Variants in LUZP2 observed in about 807,000 individuals in gnomAD.
LUZP2 encodes the protein leucine zipper protein 2.
Under a neutral mutation model 51.6 loss-of-function variants are expected in LUZP2, and 52 were observed. The observed-to-expected ratio is 1.01, with a 90% CI of 0.81 to 1.27. The LOEUF (loss-of-function observed/expected upper bound fraction) is 1.27. Among genes scored for constraint, LUZP2 ranks in the 50% most tolerant of loss-of-function variants. The pLI, the probability that LUZP2 is intolerant of heterozygous loss-of-function variation, is 0.00. For missense variants in LUZP2, 436 were observed against 395.4 expected (o/e 1.10, Z -0.87); for synonymous variants, 154 against 137.3 (o/e 1.12, Z -0.85).
At chr11:24,803,767 A>G (rs1257591972) in intron 5 of LUZP2, among the ~76,000 whole-genome samples, 1 of 152,126 alleles carries the variant, frequency 6.6e-6, no homozygotes, top group Non-Finnish European at 1.5e-5. Flanking sequence ...TGTTTTTTAT[A>G]TGCACTAAAT....
intron 7 of LUZP2, among the ~76,000 whole-genome samples, chr11:24,955,215 T>A (rs887005315): frequency 1.3e-5 from 2 of 151,984 alleles, no homozygotes; most frequent in Non-Finnish European, 2.9e-5. Flanking sequence ...TAAAAAAAAA[T>A]TTGAAGACTT....
chr11:24,966,754 T>C (rs1249629174), intron 7 of LUZP2, among the ~76,000 whole-genome samples: 2 of 147,858 alleles, frequency 1.4e-5, no homozygotes, highest in African/African-American at 2.4e-5. Flanking sequence ...TTACATTATA[T>C]ATTTTATATA....
intron 1 of LUZP2, among the ~76,000 whole-genome samples, chr11:24,590,106 C>T (rs191835347): frequency 2.0e-5 from 3 of 152,138 alleles, no homozygotes; most frequent in Non-Finnish European, 4.4e-5. Context: ...TTCAACCTTT[C>T]TTCAAGACAT....
intron 5 of LUZP2, among the ~76,000 whole-genome samples, chr11:24,788,179 A>G (rs1383300125): frequency 1.1e-5 from 1 of 93,568 alleles, no homozygotes; most frequent in Non-Finnish European, 2.2e-5. Context: ...TTTTGTTTTT[A>G]ATTTTTTTTT....
chr11:24,778,057 T>A (rs921939957), intron 5 of LUZP2, among the ~76,000 whole-genome samples: 1 of 152,104 alleles, frequency 6.6e-6, no homozygotes. Flanking sequence ...CCACTATCCA[T>A]AACTCATAGA....
At chr11:24,874,654 A>C (rs924888999) in intron 5 of LUZP2, among the ~76,000 whole-genome samples, 1 of 152,160 alleles carries the variant, frequency 6.6e-6, no homozygotes, top group African/African-American at 2.4e-5. Flanking sequence ...CACATGGATA[A>C]GTGCCTTGGA....
intron 5 of LUZP2, chr11:24,832,163 C>T (rs1344665807): frequency 5.9e-5 from 9 of 151,946 alleles, no homozygotes; most frequent in Non-Finnish European, 1.3e-4. Flanking sequence ...TCAAATCTAT[C>T]TGTAAAATAA....
intron 1 of LUZP2, among the ~76,000 whole-genome samples, chr11:24,511,515 A>G (rs1371056501): frequency 2.6e-5 from 4 of 152,218 alleles, no homozygotes; most frequent in Non-Finnish European, 5.9e-5. Context: ...AGATAGGGAC[A>G]GATAGGGACA....
At chr11:24,617,282 T>C (rs12805844) in intron 1 of LUZP2, among the ~76,000 whole-genome samples, 33,694 of 151,924 alleles carry the variant, frequency 0.22, 4,622 homozygotes, top group African/African-American at 0.38. Context: ...ACTTTGTTTT[T>C]TCTGTATTTT....
chr11:24,906,199 C>A, intron 6 of LUZP2, 146 bp downstream of exon 6: 1 of 449,736 alleles, frequency 2.2e-6, no homozygotes, highest in Non-Finnish European at 3.8e-6. Context: ...ATATTTTAAA[C>A]CTTTTGGTAT....
At chr11:25,039,631 C>A (rs1292129162) in intron 9 of LUZP2, among the ~76,000 whole-genome samples, 1 of 152,116 alleles carries the variant, frequency 6.6e-6, no homozygotes, top group Non-Finnish European at 1.5e-5. Flanking sequence ...GGGAGATCCC[C>A]CTGCCAGCTC....
chr11:24,550,447 A>G (rs1851692133), intron 1 of LUZP2, among the ~76,000 whole-genome samples: 1 of 152,068 alleles, frequency 6.6e-6, no homozygotes, highest in Non-Finnish European at 1.5e-5. Flanking sequence ...ATATTCTACA[A>G]CTGGAAGAGT....
chr11:24,729,419 A>G (rs896365412), intron 2 of LUZP2, 133 bp downstream of exon 2: 3 of 487,342 alleles, frequency 6.2e-6, no homozygotes, highest in East Asian at 3.1e-5. Context: ...ACTTACTATT[A>G]TATGTGCCCT....
intron 1 of LUZP2, among the ~76,000 whole-genome samples, chr11:24,533,115 G>T (rs1042042443): frequency 1.3e-5 from 2 of 151,116 alleles, no homozygotes; most frequent in African/African-American, 4.8e-5. Context: ...TGTATGTGTA[G>T]AATATGTATA....
chr11:24,792,359 G>A (rs113323422), intron 5 of LUZP2, among the ~76,000 whole-genome samples: 192 of 151,896 alleles, frequency 1.3e-3, no homozygotes, highest in African/African-American at 3.3e-3. Flanking sequence ...CCTGGGAGGC[G>A]GAGATTGCAA....
At chr11:24,822,998 T>TCAGCAA (rs1404306123) in intron 5 of LUZP2, among the ~76,000 whole-genome samples, 1 of 152,190 alleles carries the variant, frequency 6.6e-6, no homozygotes, top group Non-Finnish European at 1.5e-5. Flanking sequence ...CAAATATTTG[T>TCAGCAA]ATGTATTTCC....
intron 1 of LUZP2, among the ~76,000 whole-genome samples, chr11:24,666,946 C>T (rs574984075): frequency 2.0e-5 from 3 of 152,240 alleles, no homozygotes; most frequent in South Asian, 4.2e-4. Flanking sequence ...CGTCTCTCTC[C>T]GTTATTCTCT....
At chr11:24,766,945 A>G (rs1265419430) in intron 5 of LUZP2, among the ~76,000 whole-genome samples, 1 of 152,102 alleles carries the variant, frequency 6.6e-6, no homozygotes, top group African/African-American at 2.4e-5. Flanking sequence ...TATTTTTAGT[A>G]GAGATGGGGC....
intron 4 of LUZP2, among the ~76,000 whole-genome samples, chr11:24,754,197 A>G (rs777559374): frequency 1.8e-4 from 28 of 152,040 alleles, no homozygotes; most frequent in Non-Finnish European, 1.5e-5. Context: ...AGGTTTCACT[A>G]TGTTGCCCAG....
Sources: gnomAD v4.1 joint callset for allele counts (sites outside exome capture counted in the v4.1 genomes callset) on GRCh38, gnomAD v4.1.1 for gene constraint, MANE v1.5 for transcripts, NCBI Gene and HGNC (gene_info 2026-07-23, HGNC 2026-07-21) for gene names.